The following MACROD2 variants were observed in gnomAD, a reference collection of about 807,000 sequenced individuals.
MACROD2 encodes the protein mono-ADP ribosylhydrolase 2, also known as ADP-ribose glycohydrolase MACROD2.
Under a neutral mutation model 70.4 loss-of-function variants are expected in MACROD2, and 36 were observed. The observed-to-expected ratio is 0.51, with a 90% CI of 0.39 to 0.68. MACROD2 has a LOEUF of 0.68. Among genes scored for constraint, MACROD2 ranks in the 30% least tolerant of loss-of-function variants. The probability of loss-of-function intolerance (pLI) is 0.00; values close to 1 mark genes in which losing one functional copy is unlikely to be tolerated. For missense variants in MACROD2, 496 were observed against 538.4 expected, an observed-to-expected ratio of 0.92 and a Z score of 0.78; for synonymous variants, 172 against 178.8, an observed-to-expected ratio of 0.96 and a Z score of 0.30.
chr20:15,319,842 A>G (rs1475277558), intron 6 of MACROD2, among the ~76,000 whole-genome samples: 1 of 152,224 alleles, frequency 6.6e-6, no homozygotes, highest in African/African-American at 2.4e-5. Context: ...TGCTAAGTGA[A>G]TGAAGCCAGA....
chr20:14,053,291 G>T (rs1046961708), intron 2 of MACROD2: 3 of 152,090 alleles, frequency 2.0e-5, no homozygotes, highest in Admixed American at 6.6e-5. Context: ...AACTCTAAGA[G>T]ACCTTCCTAG....
intron 12 of MACROD2, among the ~76,000 whole-genome samples, chr20:15,938,853 C>T (rs1298428297): frequency 2.6e-5 from 4 of 152,142 alleles, no homozygotes. Context: ...AAAAGTGCTA[C>T]TCCAGTGGAC....
intron 3 of MACROD2, among the ~76,000 whole-genome samples, chr20:14,385,019 A>G (rs2083456233): frequency 6.6e-6 from 1 of 152,150 alleles, no homozygotes; most frequent in Non-Finnish European, 1.5e-5. Flanking sequence ...AAAGGTGCCA[A>G]AAAGAAATCA....
chr20:15,101,487 A>G (rs901601105), intron 5 of MACROD2, among the ~76,000 whole-genome samples: 14 of 139,696 alleles, frequency 1.0e-4, no homozygotes, highest in Admixed American at 3.1e-4. Context: ...GCTTAGGTTG[A>G]TTATTGCTTA....
At chr20:14,672,660 A>G (rs2070808906) in intron 4 of MACROD2, among the ~76,000 whole-genome samples, 1 of 152,214 alleles carries the variant, frequency 6.6e-6, no homozygotes, top group South Asian at 2.1e-4. Context: ...TAAGAACTCT[A>G]CAAGGTTGAT....
rs987763081 is a variant in MACROD2 at position 15,793,704 on chromosome 20, T to A, written c.646-69041T>A. ...CTTATATGTATTCCTCCTAGGTAGA[T>A]CCTTGTATCATAATTTGAACTCAGA... is the stretch of plus-strand genomic sequence containing the variant. On this transcript the variant is annotated intron_variant, in intron 8 of 17. Coordinates refer to ENST00000684519, the MANE Select transcript of MACROD2 (RefSeq NM_001351661.2). Among the ~76,000 whole-genome samples the A allele has an allele frequency of 5.3e-5, 8 of 150,940 alleles. No homozygotes were observed. In the South Asian group the frequency reaches 1.7e-3, roughly 31 times the overall value.
intron 4 of MACROD2, among the ~76,000 whole-genome samples, chr20:14,678,128 C>T (rs1354747872): frequency 6.6e-6 from 1 of 152,144 alleles, no homozygotes; most frequent in East Asian, 1.9e-4. Context: ...CACTTTTTGT[C>T]TGGTTGCTGC....
At chr20:15,503,390 A>T (rs1474667871) in intron 8 of MACROD2, among the ~76,000 whole-genome samples, 2 of 152,216 alleles carry the variant, frequency 1.3e-5, no homozygotes, top group Non-Finnish European at 2.9e-5. Flanking sequence ...GGAAAGAAAG[A>T]CCGGGTGATA....
chr20:15,044,018 G>T (rs530382788), intron 5 of MACROD2, among the ~76,000 whole-genome samples: 51 of 152,222 alleles, frequency 3.4e-4, no homozygotes, highest in African/African-American at 1.2e-3. Context: ...ATTGTGTAGG[G>T]TTTTTATGGA....
intron 5 of MACROD2, among the ~76,000 whole-genome samples, chr20:15,198,249 G>A (rs979099986): frequency 8.6e-5 from 13 of 152,046 alleles, no homozygotes; most frequent in African/African-American, 2.4e-4. Context: ...ATGAGCCAAC[G>A]CACCCAGCCT....
intron 8 of MACROD2, among the ~76,000 whole-genome samples, chr20:15,742,925 A>G (rs531466400): frequency 6.6e-5 from 10 of 152,352 alleles, no homozygotes; most frequent in African/African-American, 1.9e-4. Flanking sequence ...TTGCAGGTGG[A>G]CCTGCTGTTC....
chr20:15,205,556 TACTAA>T, intron 5 of MACROD2, among the ~76,000 whole-genome samples: 1 of 151,952 alleles, frequency 6.6e-6, no homozygotes, highest in Non-Finnish European at 1.5e-5. Flanking sequence ...CTTAGCTAAA[TACTAA>T]GTTTCTGTTA....
At chr20:15,262,671 A>G (rs1049462521) in intron 6 of MACROD2, among the ~76,000 whole-genome samples, 1 of 152,140 alleles carries the variant, frequency 6.6e-6, no homozygotes, top group Non-Finnish European at 1.5e-5. Context: ...CCAACAGTGT[A>G]CAAGGACTCC....
At chr20:15,909,449 G>A (rs1424284296) in intron 10 of MACROD2, among the ~76,000 whole-genome samples, 1 of 151,422 alleles carries the variant, frequency 6.6e-6, no homozygotes, top group Admixed American at 6.6e-5. Context: ...ATATGTATAG[G>A]TACAGTCATT....
chr20:14,406,985 T>C (rs1440239003), intron 3 of MACROD2, among the ~76,000 whole-genome samples: 2 of 152,130 alleles, frequency 1.3e-5, no homozygotes, highest in Admixed American at 6.6e-5. Flanking sequence ...CAAATGTGGG[T>C]TCTGTTATCA....
chr20:15,234,009 A>ATTTTTTTTTTTTTTTTT (rs1342277075), intron 6 of MACROD2, among the ~76,000 whole-genome samples: 2 of 39,996 alleles, frequency 5.0e-5, no homozygotes, highest in Non-Finnish European at 9.4e-5. Flanking sequence ...ATATATATAT[A>ATTTTTTTTTTTTTTTTT]TTCTTTTTTT....
At chr20:14,352,735 C>T (rs1337717143) in intron 3 of MACROD2, among the ~76,000 whole-genome samples, 4 of 151,024 alleles carry the variant, frequency 2.6e-5, no homozygotes, top group East Asian at 1.9e-4. Flanking sequence ...TTCTTTTTCT[C>T]GTTCCTTAAT....
At chr20:15,206,830 G>A (rs527919013) in intron 5 of MACROD2, among the ~76,000 whole-genome samples, 11 of 144,744 alleles carry the variant, frequency 7.6e-5, no homozygotes, top group Middle Eastern at 3.7e-3. Flanking sequence ...TCCACCTCCC[G>A]GGTTCACGCC....
intron 3 of MACROD2, among the ~76,000 whole-genome samples, chr20:14,431,372 T>C (rs2083992926): frequency 6.6e-6 from 1 of 152,102 alleles, no homozygotes. Flanking sequence ...GGATGGAGCT[T>C]AGAAGAAAGG....
Sources: gnomAD v4.1 joint callset for allele counts (sites outside exome capture counted in the v4.1 genomes callset) on GRCh38, gnomAD v4.1.1 for gene constraint, MANE v1.5 for transcripts, NCBI Gene and HGNC (gene_info 2026-07-23, HGNC 2026-07-21) for gene names.